Variants in ZNF136 observed in about 807,000 individuals in gnomAD.
ZNF136 encodes the protein zinc finger protein 136 (clone pHZ-20).
A neutral mutation model predicts 11.4 loss-of-function variants in ZNF136; 8 were observed. The ratio of observed to expected loss-of-function variants is 0.70; its 90% CI spans 0.41 to 1.27. ZNF136 has a LOEUF of 1.27. Among genes scored for constraint, ZNF136 ranks in the 50% most tolerant of loss-of-function variants. The pLI, the probability that ZNF136 is intolerant of heterozygous loss-of-function variation, is 0.01. For synonymous variants in ZNF136, 190 were observed against 207.1 expected (o/e 0.92, Z 0.71); for missense variants, 590 against 656.5 (o/e 0.90, Z 1.11).
Position 12,188,037 on chromosome 19 carries a change from A to C in ZNF136, c.*36A>C. 47 of 1,458,404 alleles carry C rather than the reference A, an allele frequency of 3.2e-5. No homozygotes were observed. Among genetic ancestry groups the C allele is most frequent in the Non-Finnish European group, 4.1e-5 (45 of 1,101,642 alleles). 90.3% of individuals were successfully genotyped at this position (1,458,404 alleles called of 1,614,324 possible). Reference sequence around the variant, plus strand: ...TCATGTCAGATACATTAAAATACTCACTGAAGAGAAGCCCTATGAATGTAA... The same window carrying C: ...TCATGTCAGATACATTAAAATACTCCCTGAAGAGAAGCCCTATGAATGTAA... On this transcript the variant is annotated 3_prime_UTR_variant, in exon 4 of 4. Transcript: ENST00000343979.
In ZNF136 at chr19:12,187,265, G is replaced by A. The variant is rs1467904822; in HGVS notation, c.887G>A (p.Arg296Gln). ...GCCTTCAGTTGTTCCCCAACCTTAC[G>A]AATACATGAAAGAACCCATACTGGA... ...GKAFSCSPTL[R>Q]IHERTHTGEK... The change falls in exon 4 of 4, where the codon CGA becomes CAA. Residue 296 changes from arginine to glutamine, a missense_variant. Arg to Gln is a conservative substitution (Grantham distance 43). Transcript: ENST00000343979. 12 of 1,613,720 alleles carry A rather than the reference G, an allele frequency of 7.4e-6. No homozygotes were observed. Among genetic ancestry groups the A allele is most frequent in the East Asian group, 2.2e-5 (1 of 44,876 alleles).
chr19:12,174,630 A>ATTTC (rs1298377125), intron 1 of ZNF136, among the ~76,000 whole-genome samples: 1 of 151,850 alleles, frequency 6.6e-6, no homozygotes, highest in Non-Finnish European at 1.5e-5. Flanking sequence ...ACAAGCATTA[A>ATTTC]TTTCTTTCTT....
At chr19:12,164,303 G>C (rs1202856971) in intron 1 of ZNF136, among the ~76,000 whole-genome samples, 2 of 152,054 alleles carry the variant, frequency 1.3e-5, no homozygotes, top group Non-Finnish European at 2.9e-5. Context: ...AAAGAGTCTC[G>C]CTCTGTCGCC....
intron 1 of ZNF136, among the ~76,000 whole-genome samples, chr19:12,165,065 C>T (rs948321490): frequency 1.3e-5 from 2 of 152,182 alleles, no homozygotes; most frequent in African/African-American, 4.8e-5. Context: ...GTGTTTCAGC[C>T]TCTACTTTTT....
intron 1 of ZNF136, among the ~76,000 whole-genome samples, chr19:12,166,717 C>A (rs1407356838): frequency 6.6e-6 from 1 of 152,190 alleles, no homozygotes; most frequent in East Asian, 1.9e-4. Flanking sequence ...GATTCTTGTG[C>A]TTTTTCTGTT....
Position 12,186,611 on chromosome 19 carries a change from G to A in ZNF136, c.233G>A (p.Ser78Asn). Reference sequence around the variant, plus strand: ...AGACTCTATCAAACTAAGGATGGTAGTCAGCGTGGAGGAATTTTTAGCCAG... The same window carrying A: ...AGACTCTATCAAACTAAGGATGGTAATCAGCGTGGAGGAATTTTTAGCCAG... ...LERLYQTKDGSQRGGIFSQFA... is the reference protein window; with the variant it reads ...LERLYQTKDGNQRGGIFSQFA... The change falls in exon 4 of 4, where the codon AGT becomes AAT. Residue 78 changes from serine to asparagine, a missense_variant. Ser to Asn is a conservative substitution (Grantham distance 46). Coordinates refer to ENST00000343979, the MANE Select transcript of ZNF136 (RefSeq NM_003437.5). The A allele has an allele frequency of 6.2e-7, 1 of 1,614,056 alleles. No homozygotes were observed. The highest frequency in any genetic ancestry group is 1.7e-5 in the Admixed American group (1 of 60,024).
chr19:12,167,107 G>T (rs1345016912), intron 1 of ZNF136, among the ~76,000 whole-genome samples: 2 of 152,210 alleles, frequency 1.3e-5, no homozygotes, highest in Non-Finnish European at 2.9e-5. Flanking sequence ...TTATTCTGAG[G>T]TTATTCTGTT....
At chr19:12,181,739 A>G (rs1035275016) in intron 1 of ZNF136, among the ~76,000 whole-genome samples, 3 of 151,946 alleles carry the variant, frequency 2.0e-5, no homozygotes, top group African/African-American at 4.8e-5. Context: ...GGTTCACACC[A>G]TTCTCCTGCT....
chr19:12,179,709 T>C (rs1274617522), intron 1 of ZNF136, among the ~76,000 whole-genome samples: 1 of 152,146 alleles, frequency 6.6e-6, no homozygotes. Flanking sequence ...AGAAGCAAGG[T>C]TATTTCTGGC....
intron 1 of ZNF136, among the ~76,000 whole-genome samples, chr19:12,171,046 G>A (rs867502667): frequency 1.1e-4 from 16 of 152,016 alleles, no homozygotes; most frequent in Admixed American, 4.6e-4. Flanking sequence ...TGTTGGTCAG[G>A]CTGGTCTTGA....
At chr19:12,176,276 T>C (rs1326366689) in intron 1 of ZNF136, among the ~76,000 whole-genome samples, 2 of 152,114 alleles carry the variant, frequency 1.3e-5, no homozygotes, top group Non-Finnish European at 2.9e-5. Context: ...TGTGGGCCTA[T>C]GATGAGGTTT....
chr19:12,173,176 AC>A (rs1914704339), intron 1 of ZNF136, among the ~76,000 whole-genome samples: 1 of 152,142 alleles, frequency 6.6e-6, no homozygotes, highest in African/African-American at 2.4e-5. Flanking sequence ...GTGTTACCTA[AC>A]CCAATTTCTC....
In ZNF136 at chr19:12,185,844, A is replaced by G. The variant is rs1461612993; in HGVS notation, c.63A>G (p.Leu21=). The change falls in exon 2 of 4, where the codon CTA becomes CTG. Residue 21 remains leucine (L), a synonymous_variant. Transcript: ENST00000343979. The part of the protein sequence containing the change: ...VNFTQEEWAL[L]DPSQKNLYRD... Reference sequence around the variant, plus strand: ...TCACCCAGGAGGAGTGGGCTTTGCTAGATCCTTCCCAGAAGAATCTCTACA... The same window carrying G: ...TCACCCAGGAGGAGTGGGCTTTGCTGGATCCTTCCCAGAAGAATCTCTACA... 1 of 1,614,050 alleles carries G rather than the reference A, an allele frequency of 6.2e-7. No homozygotes were observed. Among genetic ancestry groups the G allele is most frequent in the Admixed American group, 1.7e-5 (1 of 59,978 alleles).
rs957969550 is a variant in ZNF136, at chr19:12,189,501, A to G, written c.*1500A>G. On this transcript the variant is annotated 3_prime_UTR_variant, in exon 4 of 4. Transcript: ENST00000343979. Reference sequence around the variant, plus strand: ...CTCCTAGGAAGCTGGGACTACAGGCATGTGCCACCACACCTGGCTAATTTT... The same window carrying G: ...CTCCTAGGAAGCTGGGACTACAGGCGTGTGCCACCACACCTGGCTAATTTT... The G allele has an allele frequency of 1.3e-5, 2 of 152,066 alleles. No individual in the cohort carries two copies. Among genetic ancestry groups the G allele is most frequent in the African/African-American group, 4.8e-5 (2 of 41,372 alleles). The allele number at this position is 152,066 out of a possible 1,614,324, so 9.4% of individuals were successfully genotyped here.
At chr19:12,168,180 C>G (rs963520294) in intron 1 of ZNF136, among the ~76,000 whole-genome samples, 2 of 142,008 alleles carry the variant, frequency 1.4e-5, no homozygotes, top group Non-Finnish European at 3.0e-5. Flanking sequence ...TCAAGCGATT[C>G]TCCTGCCTCA....
chr19:12,186,036 G>A, intron 2 of ZNF136, 78 bp from the exon 3 acceptor site: 1 of 1,593,112 alleles, frequency 6.3e-7, no homozygotes, highest in Non-Finnish European at 8.6e-7. Context: ...CATAGTCACA[G>A]GGTATCATGA....
rs1359667370 is a variant in ZNF136 at position 12,185,981 on chromosome 19, A to C, written c.130+70A>C. 4.4e-6 allele frequency: 7 copies of C among 1,606,814 alleles called. No individual in the cohort carries two copies. In the South Asian group the frequency reaches 6.7e-5, roughly 15 times the overall value. On this transcript the variant is annotated intron_variant, in intron 2 of 3. Coordinates refer to ENST00000343979, the MANE Select transcript of ZNF136 (RefSeq NM_003437.5). The stretch of plus-strand genomic sequence containing the variant: ...GCTTCTTGTGCAGTGATGCTGTTCC[A>C]TGGTTTGCATCATGGAGGGAGAGTA...
intron 1 of ZNF136, among the ~76,000 whole-genome samples, chr19:12,171,531 A>G (rs969732267): frequency 6.6e-5 from 10 of 152,104 alleles, no homozygotes; most frequent in African/African-American, 2.4e-4. Context: ...TTGTCACATT[A>G]AAGTCATTTG....
chr19:12,170,981 A>G (rs946552204), intron 1 of ZNF136, among the ~76,000 whole-genome samples: 5 of 151,938 alleles, frequency 3.3e-5, no homozygotes, highest in African/African-American at 1.2e-4. Flanking sequence ...GATTATAGGC[A>G]TGCACCACCA....
Sources: gnomAD v4.1 joint callset for allele counts (sites outside exome capture counted in the v4.1 genomes callset) on GRCh38, gnomAD v4.1.1 for gene constraint, MANE v1.5 for transcripts, NCBI Gene and HGNC (gene_info 2026-07-23, HGNC 2026-07-21) for gene names.